Variants in SNTG1 observed in about 807,000 individuals in gnomAD.
The protein encoded by SNTG1 is syntrophin gamma 1, also known as gamma-1-syntrophin.
Under a neutral mutation model 74.7 loss-of-function variants are expected in SNTG1, and 39 were observed. The observed-to-expected ratio is 0.52, with a 90% CI of 0.40 to 0.68. SNTG1 has a LOEUF of 0.68. Ranked by LOEUF, SNTG1 falls within the 30% of genes least tolerant of loss-of-function variation. The pLI is 0.00. For missense variants in SNTG1, 685 were observed against 609.5 expected, an observed-to-expected ratio of 1.12 and a Z score of -1.30; for synonymous variants, 254 against 217.1, an observed-to-expected ratio of 1.17 and a Z score of -1.49.
chr8:50,542,179 G>A (rs113749325), intron 11 of SNTG1, among the ~76,000 whole-genome samples: 10,390 of 140,796 alleles, frequency 0.074, 845 homozygotes, highest in African/African-American at 0.21. Context: ...TTTTTGAGAC[G>A]GAGTTTCACT....
chr8:50,551,298 G>T (rs1481540737), intron 11 of SNTG1, among the ~76,000 whole-genome samples: 1 of 152,066 alleles, frequency 6.6e-6, no homozygotes, highest in Non-Finnish European at 1.5e-5. Flanking sequence ...TGTAAAAAGT[G>T]ATATGTATTA....
At chr8:50,752,982 C>A (rs1585710402) in intron 18 of SNTG1, among the ~76,000 whole-genome samples, 2 of 152,076 alleles carry the variant, frequency 1.3e-5, no homozygotes, top group South Asian at 4.2e-4. Context: ...TCTGCCTCTT[C>A]CTAGTTCACA....
At chr8:50,780,834 G>C (rs574350292) in intron 18 of SNTG1, among the ~76,000 whole-genome samples, 2 of 152,108 alleles carry the variant, frequency 1.3e-5, no homozygotes, top group East Asian at 3.9e-4. Flanking sequence ...TTCTCTTGTG[G>C]GCATTTAATG....
intron 4 of SNTG1, among the ~76,000 whole-genome samples, chr8:50,403,464 T>C (rs2092831615): frequency 6.6e-6 from 1 of 152,186 alleles, no homozygotes; most frequent in South Asian, 2.1e-4. Context: ...TGTCCTTTCT[T>C]CCCTTTGGTT....
At chr8:50,488,454 A>G (rs980929886) in intron 8 of SNTG1, among the ~76,000 whole-genome samples, 10 of 152,138 alleles carry the variant, frequency 6.6e-5, no homozygotes, top group African/African-American at 2.4e-4. Context: ...CCTTGGTCGG[A>G]AATCCTATCA....
intron 9 of SNTG1, among the ~76,000 whole-genome samples, chr8:50,525,815 TTG>T (rs2094215186): frequency 6.8e-6 from 1 of 147,160 alleles, no homozygotes; most frequent in Non-Finnish European, 1.5e-5. Context: ...GATGATTATT[TTG>T]TGTTTTTAAA....
At chr8:50,190,542 G>A (rs947801100) in intron 2 of SNTG1, among the ~76,000 whole-genome samples, 6 of 152,098 alleles carry the variant, frequency 3.9e-5, no homozygotes, top group African/African-American at 1.4e-4. Context: ...TGAATTGGCC[G>A]TAACTAATTA....
At chr8:50,547,673 A>G (rs2094397910) in intron 11 of SNTG1, among the ~76,000 whole-genome samples, 1 of 152,190 alleles carries the variant, frequency 6.6e-6, no homozygotes, top group African/African-American at 2.4e-5. Flanking sequence ...GGAAAACTGA[A>G]CAATAAAAAT....
intron 13 of SNTG1, among the ~76,000 whole-genome samples, chr8:50,640,615 G>T (rs1008187834): frequency 5.9e-5 from 9 of 152,092 alleles, no homozygotes; most frequent in Admixed American, 2.0e-4. Flanking sequence ...TCCTGGTAAT[G>T]ATTCTAATCT....
intron 15 of SNTG1, among the ~76,000 whole-genome samples, chr8:50,673,095 T>A (rs1175294040): frequency 6.6e-6 from 1 of 152,208 alleles, no homozygotes; most frequent in Non-Finnish European, 1.5e-5. Flanking sequence ...TAGTATAGTT[T>A]GAAGTCAGGC....
intron 8 of SNTG1, among the ~76,000 whole-genome samples, chr8:50,502,388 AT>A (rs2093968215): frequency 6.6e-6 from 1 of 152,168 alleles, no homozygotes; most frequent in Non-Finnish European, 1.5e-5. Context: ...TCCAAAGCTT[AT>A]CCAATTTATT....
chr8:50,610,050 G>A (rs187245152), intron 13 of SNTG1, among the ~76,000 whole-genome samples: 8 of 151,996 alleles, frequency 5.3e-5, no homozygotes, highest in African/African-American at 7.2e-5. Context: ...ATACTCTTTC[G>A]TTGAAAATTG....
At chr8:50,450,766 A>T (rs1409199220) in intron 8 of SNTG1, 37 bp downstream of exon 8, 1 of 1,600,838 alleles carries the variant, frequency 6.2e-7, no homozygotes. Flanking sequence ...AGTTTTCCCC[A>T]TGTGCAAATA....
chr8:50,596,895 A>G (rs2094731149), intron 13 of SNTG1, among the ~76,000 whole-genome samples: 2 of 151,970 alleles, frequency 1.3e-5, no homozygotes, highest in Admixed American at 1.3e-4. Context: ...ATCACTTTAA[A>G]CATTTATCAT....
chr8:50,410,197 T>C (rs928995831), intron 4 of SNTG1, among the ~76,000 whole-genome samples: 1 of 152,178 alleles, frequency 6.6e-6, no homozygotes, highest in Non-Finnish European at 1.5e-5. Flanking sequence ...AGAGAGAATG[T>C]ATCTAGACTA....
chr8:50,754,878 T>C (rs2095576436), intron 18 of SNTG1, among the ~76,000 whole-genome samples: 1 of 151,940 alleles, frequency 6.6e-6, no homozygotes, highest in Non-Finnish European at 1.5e-5. Flanking sequence ...CGGTTCAATA[T>C]GTTTTTATTT....
chr8:50,356,862 C>G (rs2091829948), intron 2 of SNTG1, among the ~76,000 whole-genome samples: 1 of 152,180 alleles, frequency 6.6e-6, no homozygotes, highest in African/African-American at 2.4e-5. Flanking sequence ...CATTGGGATT[C>G]ATGGAGACAG....
At chr8:50,147,543 G>T (rs2081914395) in intron 1 of SNTG1, among the ~76,000 whole-genome samples, 1 of 152,134 alleles carries the variant, frequency 6.6e-6, no homozygotes, top group Non-Finnish European at 1.5e-5. Context: ...TATAAGTAAT[G>T]GGTTACTCTA....
rs1395731918 is a variant in SNTG1, at chr8:50,011,290, T to A, written c.-103+99059T>A. On this transcript the variant is annotated intron_variant, in intron 1 of 18. Transcript: ENST00000642720. The stretch of plus-strand genomic sequence containing the variant: ...CTGAAATCTCTATTAGCAAATAAAA[T>A]TTTAAAATACCCCGTTAAAGATTCT... 5.3e-5 allele frequency among the ~76,000 whole-genome samples: 8 copies of A among 152,248 alleles called. No individual in the cohort carries two copies. The East Asian group carries it at 1.5e-3, about 29-fold the overall frequency.
Sources: allele counts gnomAD v4.1 joint callset (sites outside exome capture counted in the v4.1 genomes callset), GRCh38; gene constraint gnomAD v4.1.1; transcripts MANE v1.5; gene names NCBI Gene and HGNC (gene_info 2026-07-23, HGNC 2026-07-21).